The following ACAA2 variants were observed in gnomAD, a reference collection of about 807,000 sequenced individuals.
The protein encoded by ACAA2 is acetyl-CoA acyltransferase 2.
In ACAA2, 35 loss-of-function variants were observed where a neutral mutation model predicts 44.8. The observed-to-expected ratio is 0.78, with a 90% CI of 0.60 to 1.04. The LOEUF (loss-of-function observed/expected upper bound fraction) is 1.04, where lower values mean the gene tolerates loss of function less well. Ranked by LOEUF, ACAA2 falls within the 50% of genes least tolerant of loss-of-function variation. The pLI is 0.00. For missense variants in ACAA2, 468 were observed against 482.6 expected, an observed-to-expected ratio of 0.97 and a Z score of 0.28; for synonymous variants, 142 against 166.5, an observed-to-expected ratio of 0.85 and a Z score of 1.13.
chr18:49,793,109 C>T (rs2023425132), intron 5 of ACAA2, among the ~76,000 whole-genome samples: 1 of 151,980 alleles, frequency 6.6e-6, no homozygotes. Flanking sequence ...AAAAAGTTAC[C>T]AAGTTGTCTA....
Position 49,802,851 on chromosome 18 carries a change from C to G in ACAA2, c.19G>C (p.Val7Leu), listed in dbSNP as rs1220818459. MALLRG[V>L]FVVAAKRTPF... ...GTTCGCTTAGCAGCAACTACAAACA[C>G]ACCTATTGCAACAAGAAGAGATTTG... Residue 7 changes from valine to leucine, a missense_variant and splice_region_variant, in exon 2 of 10, where the codon GTG (valine) becomes CTG (leucine). Physicochemically the swap from Val to Leu is conservative, Grantham distance 32. Transcript: ENST00000285093. 1 of 1,613,934 alleles carries G rather than the reference C, an allele frequency of 6.2e-7. No individual in the cohort carries two copies. Among genetic ancestry groups the G allele is most frequent in the East Asian group, 2.2e-5 (1 of 44,870 alleles).
rs763170740 is a variant in ACAA2 at position 49,797,605 on chromosome 18, GAA to G, written c.184-13_184-12del. On this transcript the variant is annotated splice_polypyrimidine_tract_variant and intron_variant, in intron 2 of 9. Transcript: ENST00000285093. ...AGCATCTGAAGAACTCTAGAAGAGA[GAA>G]GGAAAAGAAAAATAATTTTCTCTAT... is the stretch of plus-strand genomic sequence containing the variant. The G allele has an allele frequency of 8.9e-6, 14 of 1,574,188 alleles. No homozygotes were observed. In the African/African-American group the frequency reaches 1.8e-4, roughly 20 times the overall value.
intron 2 of ACAA2, among the ~76,000 whole-genome samples, chr18:49,802,302 G>A (rs186480289): frequency 2.2e-3 from 334 of 152,280 alleles, no homozygotes; most frequent in African/African-American, 7.8e-3. Context: ...GGTGGCTCAC[G>A]CCTGTCATCC....
intron 9 of ACAA2, among the ~76,000 whole-genome samples, chr18:49,784,700 CA>C (rs2023307067): frequency 6.6e-6 from 1 of 152,102 alleles, no homozygotes; most frequent in South Asian, 2.1e-4. Flanking sequence ...TACTATCTAT[CA>C]AAACTGAAAA....
chr18:49,801,103 A>G (rs2023542906), intron 2 of ACAA2, among the ~76,000 whole-genome samples: 1 of 152,206 alleles, frequency 6.6e-6, no homozygotes, highest in South Asian at 2.1e-4. Flanking sequence ...AGTAAAACTC[A>G]TTTATTCCAA....
chr18:49,791,428 C>CCAGAAATATTATAGAACCAGTTTG (rs2023397472), intron 7 of ACAA2, 42 bp downstream of exon 7: 2 of 1,583,446 alleles, frequency 1.3e-6, no homozygotes, highest in South Asian at 2.3e-5. Flanking sequence ...AGACTTACCT[C>CCAGAAATATTATAGAACCAGTTTG]CAGAAATATT....
At chr18:49,794,948 T>C (rs138364271) in intron 4 of ACAA2, among the ~76,000 whole-genome samples, 48 of 152,176 alleles carry the variant, frequency 3.2e-4, no homozygotes, top group African/African-American at 1.1e-3. Flanking sequence ...TACAGAAAGG[T>C]TGTTAATTAT....
chr18:49,788,505 GGCTACTGATTTACTACA>G (rs71827683), intron 7 of ACAA2, among the ~76,000 whole-genome samples: 10,006 of 151,988 alleles, frequency 0.066, 854 homozygotes, highest in East Asian at 0.27. Context: ...AGTTTCATGT[GGCTACTGATTTACTACA>G]GCTACTGATT....
intron 7 of ACAA2, among the ~76,000 whole-genome samples, chr18:49,788,399 A>ATTT (rs1460319296): frequency 6.6e-6 from 1 of 152,228 alleles, no homozygotes; most frequent in African/African-American, 2.4e-5. Context: ...TAAATATAAT[A>ATTT]TTTATTTTGT....
At chr18:49,791,206 A>G (rs2023394318) in intron 7 of ACAA2, among the ~76,000 whole-genome samples, 1 of 152,230 alleles carries the variant, frequency 6.6e-6, no homozygotes, top group South Asian at 2.1e-4. Context: ...CAAAGGAACA[A>G]TAAGATATAA....
In ACAA2 at chr18:49,794,248, T is replaced by C. The variant is rs771325310; in HGVS notation, c.577+32A>G. On this transcript the variant is annotated intron_variant, in intron 5 of 9. Coordinates refer to ENST00000285093, the MANE Select transcript of ACAA2 (RefSeq NM_006111.3). ...AAATATTTCCTATAGATATTTATTC[T>C]ATAGATACTGATACTTTCCAGTTTC... The C allele has an allele frequency of 5.9e-6, 9 of 1,536,122 alleles. No individual in the cohort carries two copies. The East Asian group carries it at 1.2e-4, about 20-fold the overall frequency.
chr18:49,797,717 G>A (rs2023481441), intron 2 of ACAA2, 123 bp from the exon 3 acceptor site: 3 of 680,834 alleles, frequency 4.4e-6, no homozygotes, highest in South Asian at 2.3e-5. Flanking sequence ...CTCTAAGGTA[G>A]GACAAAATGC....
chr18:49,796,714 G>C (rs2023468938), intron 3 of ACAA2, among the ~76,000 whole-genome samples: 1 of 151,802 alleles, frequency 6.6e-6, no homozygotes, highest in East Asian at 1.9e-4. Flanking sequence ...GAGATTTCCT[G>C]CTTGCCTCAC....
chr18:49,791,192 C>T (rs2023394072), intron 7 of ACAA2, among the ~76,000 whole-genome samples: 1 of 152,164 alleles, frequency 6.6e-6, no homozygotes, highest in Non-Finnish European at 1.5e-5. Flanking sequence ...GATTTCTAAA[C>T]TCTCAAAGGA....
chr18:49,787,480 C>T (rs56085706), intron 7 of ACAA2, 119 bp from the exon 8 acceptor site: 50,669 of 706,318 alleles, frequency 0.072, 2,124 homozygotes, highest in Non-Finnish European at 0.081. Context: ...TATTAGTAGC[C>T]ACAAATCTTA....
At chr18:49,798,267 A>G (rs990835526) in intron 2 of ACAA2, among the ~76,000 whole-genome samples, 1 of 152,224 alleles carries the variant, frequency 6.6e-6, no homozygotes, top group Non-Finnish European at 1.5e-5. Context: ...GGGAGAAGAC[A>G]GATGAATGAT....
At chr18:49,802,491 G>C (rs1451176104) in intron 2 of ACAA2, among the ~76,000 whole-genome samples, 196 bp downstream of exon 2, 2 of 151,582 alleles carry the variant, frequency 1.3e-5, no homozygotes, top group East Asian at 1.9e-4. Flanking sequence ...GAACCCGGGA[G>C]GCGGAAGTTG....
At chr18:49,808,860 A>T (rs1283135301) in intron 1 of ACAA2, among the ~76,000 whole-genome samples, 1 of 152,168 alleles carries the variant, frequency 6.6e-6, no homozygotes, top group Non-Finnish European at 1.5e-5. Context: ...AAACAACAGA[A>T]AACAGTGTTC....
intron 4 of ACAA2, among the ~76,000 whole-genome samples, chr18:49,795,314 G>A (rs2023452515): frequency 6.6e-6 from 1 of 152,154 alleles, no homozygotes; most frequent in African/African-American, 2.4e-5. Context: ...AATATAATCT[G>A]TATTCAAAGA....
Sources: allele counts gnomAD v4.1 joint callset (sites outside exome capture counted in the v4.1 genomes callset), GRCh38; gene constraint gnomAD v4.1.1; transcripts MANE v1.5; gene names NCBI Gene and HGNC (gene_info 2026-07-23, HGNC 2026-07-21).